RAD51B: variants seen among roughly 807,000 people sequenced by gnomAD.
RAD51B encodes the protein DNA repair protein RAD51 homolog 2.
A neutral mutation model predicts 42.2 loss-of-function variants in RAD51B; 38 were observed. The observed-to-expected ratio is 0.90, with a 90% CI of 0.70 to 1.18. The LOEUF (loss-of-function observed/expected upper bound fraction) is 1.18. RAD51B is among the 50% of genes most tolerant of loss of function. The pLI, the probability that RAD51B is intolerant of heterozygous loss-of-function variation, is 0.00. For missense variants in RAD51B, 373 were observed against 400.7 expected (o/e 0.93, Z 0.59); for synonymous variants, 154 against 145.2 (o/e 1.06, Z -0.43).
chr14:68,642,976 A>T (rs1892493352), intron 10 of RAD51B, among the ~76,000 whole-genome samples: 2 of 130,630 alleles, frequency 1.5e-5, no homozygotes, highest in East Asian at 3.9e-4. Flanking sequence ...TATGATTTCT[A>T]TTATTTTAAA....
At chr14:68,221,957 A>T (rs1249808114) in intron 7 of RAD51B, among the ~76,000 whole-genome samples, 1 of 152,254 alleles carries the variant, frequency 6.6e-6, no homozygotes, top group East Asian at 1.9e-4. Flanking sequence ...ACCACTAATT[A>T]TCAGGGAAAT....
chr14:67,996,863 G>A (rs1037331611), intron 7 of RAD51B, among the ~76,000 whole-genome samples: 1 of 152,244 alleles, frequency 6.6e-6, no homozygotes, highest in African/African-American at 2.4e-5. Flanking sequence ...CTTAGACAGA[G>A]TGGTCAGTGA....
intron 7 of RAD51B, among the ~76,000 whole-genome samples, chr14:67,905,644 G>C (rs2043758742): frequency 6.6e-6 from 1 of 151,992 alleles, no homozygotes; most frequent in Admixed American, 6.6e-5. Context: ...GGTTAGCTGT[G>C]TTCCTAGGTA....
At position 67,860,823 on chromosome 14, in the gene RAD51B, T is replaced by C. The variant is rs143249125; in HGVS notation, c.316-4180T>C. On this transcript the variant is annotated intron_variant, in intron 4 of 10. Coordinates refer to ENST00000471583, the MANE Select transcript of RAD51B (RefSeq NM_133510.4). ...TGTTGCATCATCCTTAGGTAATCTA[T>C]AGCAACACATAGGTTGATGTCAGAT... Among the ~76,000 whole-genome samples, 21 of 152,338 alleles carry C rather than the reference T, an allele frequency of 1.4e-4. No individual in the cohort carries two copies. The East Asian group carries it at 4.0e-3, about 29-fold the overall frequency.
intron 3 of RAD51B, among the ~76,000 whole-genome samples, chr14:67,827,676 GTGTGTCCA>G (rs1192969252): frequency 6.6e-6 from 1 of 151,928 alleles, no homozygotes; most frequent in African/African-American, 2.4e-5. Context: ...GTTCCCTTCC[GTGTGTCCA>G]TGTGTCCATG....
intron 8 of RAD51B, among the ~76,000 whole-genome samples, chr14:68,379,170 A>G (rs1454954850): frequency 1.3e-5 from 2 of 152,234 alleles, no homozygotes; most frequent in African/African-American, 4.8e-5. Context: ...TTACTAAAAT[A>G]GCTAGCTACT....
Position 68,326,221 on chromosome 14 carries a change from A to G in RAD51B, c.853+34241A>G, listed in dbSNP as rs1330458138. On this transcript the variant is annotated intron_variant, in intron 8 of 10. Transcript: ENST00000471583. ...ACACCCGGCTAATGTTGTATTTTTAATAGAGACGGAGTTTCTCCATGTTGG... is the reference window on the plus strand; with the variant it reads ...ACACCCGGCTAATGTTGTATTTTTAGTAGAGACGGAGTTTCTCCATGTTGG... 2.6e-5 allele frequency among the ~76,000 whole-genome samples: 4 copies of G among 151,502 alleles called. No homozygotes were observed. The South Asian group carries it at 6.3e-4, about 24-fold the overall frequency.
intron 7 of RAD51B, among the ~76,000 whole-genome samples, chr14:67,889,269 C>G (rs1455963744): frequency 1.3e-5 from 2 of 149,096 alleles, no homozygotes; most frequent in Admixed American, 1.3e-4. Flanking sequence ...TGGAATTTTC[C>G]TAGCTAAATT....
At chr14:68,211,496 C>T (rs1390607391) in intron 7 of RAD51B, among the ~76,000 whole-genome samples, 3 of 152,132 alleles carry the variant, frequency 2.0e-5, no homozygotes, top group Non-Finnish European at 1.5e-5. Context: ...AAAAATAAAA[C>T]ATAAGAAAGT....
At chr14:68,222,657 C>G (rs894594094) in intron 7 of RAD51B, among the ~76,000 whole-genome samples, 3 of 151,962 alleles carry the variant, frequency 2.0e-5, no homozygotes, top group Non-Finnish European at 4.4e-5. Flanking sequence ...ACCTCTGTTC[C>G]CCAAAAACCT....
At chr14:67,975,316 C>CA (rs2074972347) in intron 7 of RAD51B, among the ~76,000 whole-genome samples, 1 of 152,194 alleles carries the variant, frequency 6.6e-6, no homozygotes. Context: ...ACCACCCTTT[C>CA]AAAAGAAATT....
chr14:68,102,948 C>T (rs897386577), intron 7 of RAD51B, among the ~76,000 whole-genome samples: 2 of 152,090 alleles, frequency 1.3e-5, no homozygotes, highest in African/African-American at 4.8e-5. Flanking sequence ...GCAAACATGT[C>T]CTTCTTCACA....
chr14:68,651,937 AC>A (rs1892708526), intron 11 of RAD51B, among the ~76,000 whole-genome samples: 1 of 152,062 alleles, frequency 6.6e-6, no homozygotes, highest in Non-Finnish European at 1.5e-5. Flanking sequence ...GCCACCTGGC[AC>A]GCCCAGCGCC....
intron 10 of RAD51B, among the ~76,000 whole-genome samples, chr14:68,521,265 CCAA>C (rs1412960048): frequency 6.6e-6 from 1 of 152,178 alleles, no homozygotes; most frequent in Non-Finnish European, 1.5e-5. Flanking sequence ...CGTGAAAGTA[CCAA>C]CATCAGAAAA....
intron 8 of RAD51B, among the ~76,000 whole-genome samples, chr14:68,295,950 G>T (rs535016733): frequency 3.8e-4 from 58 of 152,184 alleles, no homozygotes; most frequent in African/African-American, 1.4e-3. Flanking sequence ...GTATACCTTT[G>T]TGTGGAGACA....
chr14:68,143,321 T>C (rs1478186773), intron 7 of RAD51B, among the ~76,000 whole-genome samples: 1 of 152,212 alleles, frequency 6.6e-6, no homozygotes, highest in Non-Finnish European at 1.5e-5. Flanking sequence ...AAGTCCCTAG[T>C]TGACAGATAA....
chr14:67,884,603 C>A (rs1338395220), intron 5 of RAD51B, among the ~76,000 whole-genome samples: 1 of 152,134 alleles, frequency 6.6e-6, no homozygotes, highest in Non-Finnish European at 1.5e-5. Context: ...CCAATGCCAT[C>A]TCATTTCTTG....
intron 7 of RAD51B, among the ~76,000 whole-genome samples, chr14:68,153,935 T>C (rs1475935910): frequency 6.6e-6 from 1 of 152,224 alleles, no homozygotes; most frequent in African/African-American, 2.4e-5. Flanking sequence ...GTTTAAGCAT[T>C]GTGGGGGAGA....
intron 7 of RAD51B, among the ~76,000 whole-genome samples, chr14:68,179,930 G>A (rs2079030444): frequency 6.6e-6 from 1 of 152,168 alleles, no homozygotes; most frequent in Admixed American, 6.5e-5. Flanking sequence ...GTTGAGGTCT[G>A]ACTTCAAGAC....
Sources: allele counts gnomAD v4.1 joint callset (sites outside exome capture counted in the v4.1 genomes callset), GRCh38; gene constraint gnomAD v4.1.1; transcripts MANE v1.5; gene names NCBI Gene and HGNC (gene_info 2026-07-23, HGNC 2026-07-21).